COL26A1: variants seen among roughly 807,000 people sequenced by gnomAD.
The protein encoded by COL26A1 is collagen type XXVI alpha 1 chain.
In COL26A1, 41 loss-of-function variants were observed where a neutral mutation model predicts 59.3. That is an observed-to-expected ratio of 0.69 (90% CI 0.54 to 0.90). The LOEUF (loss-of-function observed/expected upper bound fraction) is 0.90. Among genes scored for constraint, COL26A1 ranks in the 40% least tolerant of loss-of-function variants. The pLI is 0.00. For synonymous variants in COL26A1, 266 were observed against 256.0 expected (o/e 1.04, Z -0.37); for missense variants, 612 against 602.3 (o/e 1.02, Z -0.17).
intron 3 of COL26A1, among the ~76,000 whole-genome samples, chr7:101,481,447 A>AATATAT (rs60951062): frequency 0.019 from 2,740 of 143,460 alleles, 72 homozygotes; most frequent in African/African-American, 0.06. Context: ...AATCTCCCAA[A>AATATAT]ATATATATAT....
At chr7:101,404,197 G>A (rs980104645) in intron 1 of COL26A1, among the ~76,000 whole-genome samples, 12 of 152,194 alleles carry the variant, frequency 7.9e-5, no homozygotes, top group African/African-American at 2.4e-4. Flanking sequence ...GGAAGGCAGA[G>A]CAGGAGGCAG....
intron 1 of COL26A1, among the ~76,000 whole-genome samples, chr7:101,376,182 A>G (rs1791315243): frequency 6.8e-6 from 1 of 148,120 alleles, no homozygotes; most frequent in African/African-American, 2.5e-5. Context: ...TGTGGTGTTG[A>G]ATGCTTATAG....
chr7:101,537,843 T>C (rs555950753), intron 4 of COL26A1, among the ~76,000 whole-genome samples: 2 of 152,244 alleles, frequency 1.3e-5, no homozygotes, highest in East Asian at 3.9e-4. Flanking sequence ...CCTCCTCTCA[T>C]GGTCCTCTAC....
At chr7:101,419,137 T>C (rs1792450892) in intron 1 of COL26A1, among the ~76,000 whole-genome samples, 1 of 125,286 alleles carries the variant, frequency 8.0e-6, no homozygotes, top group Non-Finnish European at 1.6e-5. Context: ...TCCTCCTCTC[T>C]TCAGGGTTTC....
intron 3 of COL26A1, among the ~76,000 whole-genome samples, chr7:101,460,543 G>T (rs1793585452): frequency 6.6e-6 from 1 of 152,136 alleles, no homozygotes; most frequent in Non-Finnish European, 1.5e-5. Context: ...AGCACTTAGG[G>T]AGGTGGAGGT....
chr7:101,424,233 AATTTTC>A (rs2130292841), intron 2 of COL26A1, among the ~76,000 whole-genome samples: 1 of 149,348 alleles, frequency 6.7e-6, no homozygotes, highest in Non-Finnish European at 1.5e-5. Flanking sequence ...AATAAAACTT[AATTTTC>A]ATTCTCTTAG....
chr7:101,554,838 G>A (rs557100390), intron 11 of COL26A1, among the ~76,000 whole-genome samples: 4 of 152,260 alleles, frequency 2.6e-5, no homozygotes, highest in Non-Finnish European at 5.9e-5. Context: ...GGTCTCCCCT[G>A]CTCCTTCTCT....
intron 3 of COL26A1, among the ~76,000 whole-genome samples, chr7:101,495,533 C>T (rs4996451): frequency 0.14 from 21,684 of 151,678 alleles, 3,560 homozygotes; most frequent in African/African-American, 0.4. Flanking sequence ...CTCGGCCTCC[C>T]GAGTAGCTAG....
chr7:101,478,940 G>T (rs184379876), intron 3 of COL26A1, among the ~76,000 whole-genome samples: 48 of 152,214 alleles, frequency 3.2e-4, no homozygotes, highest in African/African-American at 1.2e-3. Flanking sequence ...TGACTCTTTT[G>T]CCTCTCATTG....
intron 4 of COL26A1, among the ~76,000 whole-genome samples, chr7:101,539,236 C>G (rs1795550177): frequency 6.6e-6 from 1 of 152,094 alleles, no homozygotes; most frequent in Admixed American, 6.6e-5. Flanking sequence ...TTATACCCAC[C>G]CTTTCACTCT....
intron 2 of COL26A1, among the ~76,000 whole-genome samples, chr7:101,439,805 T>G (rs1425650735): frequency 1.3e-5 from 2 of 152,028 alleles, no homozygotes; most frequent in African/African-American, 4.8e-5. Flanking sequence ...TGTTAAAGTC[T>G]TAGGGGTAGG....
chr7:101,398,848 C>T (rs1211502404), intron 1 of COL26A1, among the ~76,000 whole-genome samples: 1 of 152,058 alleles, frequency 6.6e-6, no homozygotes, highest in Non-Finnish European at 1.5e-5. Context: ...ATTAGAATCA[C>T]AAATGCCTGG....
rs1157363214 is a variant in COL26A1, at chr7:101,544,008, GCAGA to G, written c.619_622del (p.Thr207AspfsTer141). On this transcript the variant is annotated frameshift_variant, in exon 6 of 13. Coordinates refer to ENST00000313669, the MANE Select transcript of COL26A1 (RefSeq NM_001278563.3). LOFTEE classifies it high-confidence loss of function. ...TCCTTCTCTCCCCAGGGCCCCCGGG[GCAGA>G]CAGGACCACCAGGGCCTGCAGGCCC... 6.3e-7 allele frequency: 1 copy of G among 1,576,822 alleles called. No individual in the cohort carries two copies. The highest frequency in any genetic ancestry group is 8.6e-7 in the Non-Finnish European group (1 of 1,161,810).
At chr7:101,524,255 A>G (rs1170642387) in intron 3 of COL26A1, among the ~76,000 whole-genome samples, 1 of 147,372 alleles carries the variant, frequency 6.8e-6, no homozygotes, top group Non-Finnish European at 1.5e-5. Context: ...TGGGTGACAG[A>G]GTGAGACTCT....
At chr7:101,398,246 A>G (rs1018534564) in intron 1 of COL26A1, among the ~76,000 whole-genome samples, 2 of 152,180 alleles carry the variant, frequency 1.3e-5, no homozygotes, top group Non-Finnish European at 1.5e-5. Flanking sequence ...ATTGGAGAAT[A>G]TGAGCTGGAG....
At chr7:101,461,490 G>A (rs918391474) in intron 3 of COL26A1, among the ~76,000 whole-genome samples, 6 of 151,960 alleles carry the variant, frequency 3.9e-5, no homozygotes, top group Non-Finnish European at 2.9e-5. Context: ...TAGAGATGGG[G>A]ATTCGCCATG....
chr7:101,526,174 G>A (rs997342744), intron 3 of COL26A1, among the ~76,000 whole-genome samples: 2 of 151,712 alleles, frequency 1.3e-5, no homozygotes, highest in East Asian at 1.9e-4. Flanking sequence ...TCAGCCTCCC[G>A]AGTAGTTGGG....
intron 1 of COL26A1, among the ~76,000 whole-genome samples, chr7:101,363,692 C>A (rs1043282035): frequency 1.3e-5 from 2 of 151,870 alleles, no homozygotes; most frequent in Admixed American, 1.3e-4. Flanking sequence ...CGCGCCCACC[C>A]TGTCCCTTCC....
At chr7:101,385,829 CAAGTAGCTGG>C (rs1791561057) in intron 1 of COL26A1, among the ~76,000 whole-genome samples, 1 of 152,084 alleles carries the variant, frequency 6.6e-6, no homozygotes, top group South Asian at 2.1e-4. Context: ...CTCAGCCTCC[CAAGTAGCTGG>C]GACTACAGGC....
Sources: allele counts gnomAD v4.1 joint callset (sites outside exome capture counted in the v4.1 genomes callset), GRCh38; gene constraint gnomAD v4.1.1; transcripts MANE v1.5; gene names NCBI Gene and HGNC (gene_info 2026-07-23, HGNC 2026-07-21).